The following FOCAD variants were observed in gnomAD, a reference collection of about 807,000 sequenced individuals.
FOCAD encodes the protein KIAA1797.
FOCAD carries 198 observed loss-of-function variants against 225.6 expected under a neutral mutation model. The ratio of observed to expected loss-of-function variants is 0.88; its 90% CI spans 0.78 to 0.99. The LOEUF is 0.99. Among genes scored for constraint, FOCAD ranks in the 50% least tolerant of loss-of-function variants. The pLI is 0.00. For missense variants in FOCAD, 2,713 were observed against 2,123.6 expected (o/e 1.28, Z -5.46); for synonymous variants, 897 against 755.0 (o/e 1.19, Z -3.08).
intron 15 of FOCAD, among the ~76,000 whole-genome samples, chr9:20,841,634 G>T: frequency 6.7e-6 from 1 of 150,300 alleles, no homozygotes. Context: ...ATTTTATTTG[G>T]GCCTTCTTTT....
At chr9:20,982,697 C>T (rs1261466469) in intron 39 of FOCAD, among the ~76,000 whole-genome samples, 1 of 152,182 alleles carries the variant, frequency 6.6e-6, no homozygotes, top group African/African-American at 2.4e-5. Context: ...CTTTGTCCTT[C>T]ACCTGATCCT....
upstream of FOCAD, among the ~76,000 whole-genome samples, chr9:20,682,024 G>T (rs944168984): frequency 2.0e-5 from 3 of 152,144 alleles, no homozygotes; most frequent in African/African-American, 7.2e-5. Flanking sequence ...CCATTGGGAG[G>T]TGATTAGGTT....
At chr9:20,727,731 G>A (rs1188262969) in intron 4 of FOCAD, among the ~76,000 whole-genome samples, 2 of 152,118 alleles carry the variant, frequency 1.3e-5, no homozygotes, top group Non-Finnish European at 2.9e-5. Flanking sequence ...CTATGCTTAA[G>A]ACTGATGAAT....
In FOCAD at chr9:20,781,798, C is replaced by T; in HGVS notation, c.1066C>T (p.Leu356=). 6.2e-7 allele frequency: 1 copy of T among 1,614,110 alleles called. No homozygotes were observed. The highest frequency in any genetic ancestry group is 8.5e-7 in the Non-Finnish European group (1 of 1,179,990). ...KSSLLLVMPI[L]QILSSTALED... Reference sequence around the variant, plus strand: ...CTCTCTGCTGCTAGTGATGCCAATTCTGCAGATACTATCTTCTACTGCCTT... The same window carrying T: ...CTCTCTGCTGCTAGTGATGCCAATTTTGCAGATACTATCTTCTACTGCCTT... Residue 356 remains leucine, a synonymous_variant, in exon 10 of 44, where the codon CTG becomes TTG. Transcript: ENST00000338382.
intron 11 of FOCAD, among the ~76,000 whole-genome samples, chr9:20,808,795 C>T (rs1333111311): frequency 1.3e-5 from 2 of 152,158 alleles, no homozygotes; most frequent in Non-Finnish European, 2.9e-5. Context: ...TAGCTACTTC[C>T]TACTCTGCTA....
intron 28 of FOCAD, 27 bp downstream of exon 28, chr9:20,933,130 C>G: frequency 1.3e-6 from 2 of 1,523,862 alleles, no homozygotes; most frequent in Non-Finnish European, 1.8e-6. Context: ...TCCACTCTCA[C>G]AGGTACTTAG....
At chr9:20,955,505 T>G (rs980014195) in intron 35 of FOCAD, among the ~76,000 whole-genome samples, 6 of 138,624 alleles carry the variant, frequency 4.3e-5, no homozygotes, top group Admixed American at 1.6e-4. Flanking sequence ...AATTCATGGT[T>G]TTGACTATAA....
chr9:20,735,678 G>C (rs2131631281), intron 4 of FOCAD, among the ~76,000 whole-genome samples: 1 of 151,438 alleles, frequency 6.6e-6, no homozygotes, highest in Admixed American at 6.6e-5. Context: ...ATCATGCTTG[G>C]CTTATTTTTT....
chr9:20,936,693 C>T lies in FOCAD; in HGVS notation c.3407+3590C>T, dbSNP rs566000566. Among the ~76,000 whole-genome samples the T allele has an allele frequency of 2.0e-4, 30 of 152,212 alleles. 1 individual carries two copies. Among genetic ancestry groups the T allele is most frequent in the Middle Eastern group, 3.4e-3 (1 of 294 alleles). On this transcript the variant is annotated intron_variant, in intron 28 of 43. Transcript: ENST00000338382. Reference sequence around the variant, plus strand: ...AATACAAAAAAAACAGGGATGCCCTCTCTCACCACCCCGATTCAACATAGT... The same window carrying T: ...AATACAAAAAAAACAGGGATGCCCTTTCTCACCACCCCGATTCAACATAGT...
intron 35 of FOCAD, among the ~76,000 whole-genome samples, chr9:20,955,961 C>A (rs1422320846): frequency 6.6e-6 from 1 of 152,098 alleles, no homozygotes; most frequent in Admixed American, 6.6e-5. Flanking sequence ...GGGAATGTGG[C>A]TAACACTTTC....
At chr9:20,945,441 G>C (rs1837079036) in intron 29 of FOCAD, among the ~76,000 whole-genome samples, 1 of 152,184 alleles carries the variant, frequency 6.6e-6, no homozygotes, top group Non-Finnish European at 1.5e-5. Context: ...CATTAGAACA[G>C]ATTCTATTTT....
chr9:20,986,279 T>TTTTTTTTTTTTTTTTTTTTTTTTTTG lies in FOCAD; in HGVS notation c.4729-5_4729-4insTTTTTTTTTTTTTTTTTTTTTGTTTT. ...AGTAACTAAACAATTTTTTTTTTTT[T>TTTTTTTTTTTTTTTTTTTTTTTTTTG]TTTTGCAGAGCAACATAGAAAAAGC... On this transcript the variant is annotated splice_polypyrimidine_tract_variant and intron_variant, in intron 39 of 43. Coordinates refer to ENST00000338382, the MANE Select transcript of FOCAD (RefSeq NM_001375567.1). The TTTTTTTTTTTTTTTTTTTTTTTTTTG allele has an allele frequency of 7.0e-7, 1 of 1,418,462 alleles. No individual in the cohort carries two copies. The highest frequency in any genetic ancestry group is 1.5e-5 in the African/African-American group (1 of 66,958). The allele number at this position is 1,418,462 out of a possible 1,614,324, so 87.9% of individuals were successfully genotyped here.
intron 21 of FOCAD, among the ~76,000 whole-genome samples, chr9:20,891,459 T>C (rs1432176644): frequency 6.6e-6 from 1 of 152,184 alleles, no homozygotes. Context: ...TGAAGGAAAT[T>C]AAATGTGCTA....
chr9:20,773,530 A>G (rs1818445412), intron 8 of FOCAD, among the ~76,000 whole-genome samples: 1 of 152,216 alleles, frequency 6.6e-6, no homozygotes, highest in Non-Finnish European at 1.5e-5. Context: ...CACACAGCTC[A>G]AGAAATAGAG....
At chr9:20,931,592 C>G (rs1298930663) in intron 27 of FOCAD, among the ~76,000 whole-genome samples, 1 of 152,136 alleles carries the variant, frequency 6.6e-6, no homozygotes, top group Non-Finnish European at 1.5e-5. Flanking sequence ...TCAAATGTGT[C>G]CCAATGTGGT....
chr9:20,790,901 C>T (rs1820455860), intron 11 of FOCAD, among the ~76,000 whole-genome samples: 1 of 152,192 alleles, frequency 6.6e-6, no homozygotes, highest in Non-Finnish European at 1.5e-5. Context: ...TTCACTCTGA[C>T]TGGACCTCAT....
chr9:20,819,886 C>T lies in FOCAD; in HGVS notation c.1546C>T (p.Leu516Phe). 1 of 1,533,506 alleles carries T rather than the reference C, an allele frequency of 6.5e-7. No individual in the cohort carries two copies. The highest frequency in any genetic ancestry group is 2.0e-5 in the Admixed American group (1 of 49,588). The allele number at this position is 1,533,506 out of a possible 1,614,324, so 95.0% of individuals were successfully genotyped here. A position where few individuals can be genotyped will look rare whatever the true frequency, so the allele number is the denominator to read the frequency against. Residue 516 changes from leucine to phenylalanine, a missense_variant, in exon 12 of 44, where the codon CTT (leucine) becomes TTT (phenylalanine). Transcript: ENST00000338382. ...YNDILYTLPK[L>F]GVHKVCIGQI... Reference sequence around the variant, plus strand: ...TGATATATTGTATACTTTACCTAAGCTTGGTGTTCACAAGGTTAGTATGTT... The same window carrying T: ...TGATATATTGTATACTTTACCTAAGTTTGGTGTTCACAAGGTTAGTATGTT...
intron 42 of FOCAD, among the ~76,000 whole-genome samples, chr9:20,992,791 C>T (rs1280161489): frequency 6.6e-6 from 1 of 152,046 alleles, no homozygotes; most frequent in Non-Finnish European, 1.5e-5. Context: ...AACCCTGTCT[C>T]TACTAAGAAA....
At chr9:20,852,074 T>G (rs1243406192) in intron 15 of FOCAD, among the ~76,000 whole-genome samples, 2 of 151,700 alleles carry the variant, frequency 1.3e-5, no homozygotes, top group African/African-American at 4.8e-5. Context: ...TTGAGATGAG[T>G]GCTTTTTTAT....
Sources: allele counts gnomAD v4.1 joint callset (sites outside exome capture counted in the v4.1 genomes callset), GRCh38; gene constraint gnomAD v4.1.1; transcripts MANE v1.5; gene names NCBI Gene and HGNC (gene_info 2026-07-23, HGNC 2026-07-21).